The following INSC variants were observed in gnomAD, a reference collection of about 807,000 sequenced individuals.
INSC encodes the protein INSC spindle orientation adaptor protein.
Under a neutral mutation model 58.6 loss-of-function variants are expected in INSC, and 67 were observed. The observed-to-expected ratio is 1.14, with a 90% CI of 0.94 to 1.40. The LOEUF is 1.40. Ranked by LOEUF, INSC falls within the 40% of genes most tolerant of loss-of-function variation. INSC has a pLI of 0.00. For missense variants in INSC, 714 were observed against 692.0 expected, an observed-to-expected ratio of 1.03 and a Z score of -0.36; for synonymous variants, 262 against 276.1, an observed-to-expected ratio of 0.95 and a Z score of 0.51.
intron 9 of INSC, 22 bp from the exon 10 acceptor site, chr11:15,235,580 G>T (rs754022239): frequency 1.1e-5 from 18 of 1,604,448 alleles, no homozygotes; most frequent in Non-Finnish European, 1.4e-5. Flanking sequence ...ATTTTCTGAG[G>T]TTTCTAAATT....
chr11:15,259,887 G>T, the INSC span, among the ~76,000 whole-genome samples: 6 of 152,112 alleles, frequency 3.9e-5, no homozygotes, highest in Admixed American at 3.9e-4. Context: ...ATTTTACTTA[G>T]ATTTTCTTTG....
the INSC span, among the ~76,000 whole-genome samples, chr11:15,255,732 G>GTGTA: frequency 8.3e-6 from 1 of 121,052 alleles, no homozygotes; most frequent in African/African-American, 2.9e-5. Flanking sequence ...ATGTAAGTGT[G>GTGTA]TGTATGTGTG....
chr11:15,156,495 G>T (rs1211830312), intron 2 of INSC, among the ~76,000 whole-genome samples: 1 of 152,156 alleles, frequency 6.6e-6, no homozygotes, highest in Admixed American at 6.5e-5. Flanking sequence ...AAGTCACCCA[G>T]CCTACCAAAT....
intron 2 of INSC, among the ~76,000 whole-genome samples, chr11:15,162,769 T>C (rs908248743): frequency 6.6e-6 from 1 of 152,186 alleles, no homozygotes; most frequent in Non-Finnish European, 1.5e-5. Flanking sequence ...GACAGTATGT[T>C]GGCCATGCAC....
chr11:15,240,597 G>A, intron 12 of INSC, 74 bp downstream of exon 12: 3 of 1,280,672 alleles, frequency 2.3e-6, no homozygotes, highest in East Asian at 2.5e-5. Flanking sequence ...AGAACCGGCT[G>A]TGCTGTGGCT....
the INSC span, among the ~76,000 whole-genome samples, chr11:15,259,390 A>T: frequency 4.6e-5 from 7 of 152,248 alleles, no homozygotes; most frequent in Non-Finnish European, 8.8e-5. Flanking sequence ...ATGCATGTTG[A>T]AAGCTATTCT....
At chr11:15,260,516 G>A in the INSC span, among the ~76,000 whole-genome samples, 1 of 152,198 alleles carries the variant, frequency 6.6e-6, no homozygotes, top group Non-Finnish European at 1.5e-5. Context: ...CTTTATCTAT[G>A]AAATGAGAAT....
At chr11:15,180,693 G>GGT (rs71044038) in intron 5 of INSC, among the ~76,000 whole-genome samples, 3 of 73,924 alleles carry the variant, frequency 4.1e-5, no homozygotes, top group Admixed American at 2.8e-4. Flanking sequence ...GAGGGGGGGG[G>GGT]CGGGGGGGGG....
intron 3 of INSC, 55 bp downstream of exon 3, chr11:15,176,141 G>A (rs192594230): frequency 7.2e-7 from 1 of 1,391,268 alleles, no homozygotes; most frequent in Non-Finnish European, 9.6e-7. Flanking sequence ...GTGCTTTAGA[G>A]AAGAGTGGGT....
chr11:15,189,098 G>T (rs1850073693), intron 5 of INSC, among the ~76,000 whole-genome samples: 1 of 152,214 alleles, frequency 6.6e-6, no homozygotes, highest in African/African-American at 2.4e-5. Flanking sequence ...TGTTGTGCGT[G>T]TGTGAGGAAT....
rs1564917129 is a variant in INSC at position 15,229,971 on chromosome 11, T to TA, written c.1170+4144dup. Among the ~76,000 whole-genome samples the TA allele has an allele frequency of 2.2e-3, 25 of 11,544 alleles. 1 individual carries two copies. The highest frequency in any genetic ancestry group is 8.7e-3 in the African/African-American group (22 of 2,516). The allele number at this position is 11,544 out of a possible 152,430, so 7.6% of individuals were successfully genotyped here. Reference sequence around the variant, plus strand: ...TATTATATATATATTTATATATATATATATATATTATATATATATATATAT... The same window carrying TA: ...TATTATATATATATTTATATATATATAATATATATTATATATATATATATAT... On this transcript the variant is annotated intron_variant, in intron 9 of 12. Transcript: ENST00000379556.
chr11:15,162,497 A>G (rs1564877754), intron 2 of INSC, among the ~76,000 whole-genome samples: 2 of 152,190 alleles, frequency 1.3e-5, no homozygotes. Context: ...CCACTTGACG[A>G]TTGTGGTACC....
chr11:15,198,893 A>G (rs940538414), intron 6 of INSC, among the ~76,000 whole-genome samples: 6 of 152,156 alleles, frequency 3.9e-5, no homozygotes, highest in Non-Finnish European at 5.9e-5. Context: ...GGAACAAGGA[A>G]TCAGAGGTGT....
At chr11:15,198,633 A>T (rs931966761) in intron 6 of INSC, among the ~76,000 whole-genome samples, 2 of 152,118 alleles carry the variant, frequency 1.3e-5, no homozygotes, top group African/African-American at 4.8e-5. Flanking sequence ...AATATGTATG[A>T]TTAAATATAA....
intron 2 of INSC, among the ~76,000 whole-genome samples, chr11:15,165,056 G>A (rs562467667): frequency 6.6e-6 from 1 of 152,274 alleles, no homozygotes; most frequent in Non-Finnish European, 1.5e-5. Context: ...ACATGATACC[G>A]AGCAGGTCTT....
chr11:15,267,123 T>G, the INSC span, among the ~76,000 whole-genome samples: 1 of 152,010 alleles, frequency 6.6e-6, no homozygotes, highest in Admixed American at 6.6e-5. Flanking sequence ...TGTAAAATTC[T>G]TGGTTAACAG....
At chr11:15,195,028 C>T (rs1850318578) in intron 6 of INSC, among the ~76,000 whole-genome samples, 1 of 152,178 alleles carries the variant, frequency 6.6e-6, no homozygotes, top group South Asian at 2.1e-4. Context: ...AGGACCTCTA[C>T]TCTCTTTTGG....
chr11:15,157,117 A>G (rs1293578109), intron 2 of INSC, among the ~76,000 whole-genome samples: 1 of 152,180 alleles, frequency 6.6e-6, no homozygotes, highest in Admixed American at 6.5e-5. Flanking sequence ...AGGAATAGGC[A>G]ACTTCTGGGA....
At chr11:15,163,399 T>C (rs1295147664) in intron 2 of INSC, among the ~76,000 whole-genome samples, 2 of 152,156 alleles carry the variant, frequency 1.3e-5, no homozygotes, top group Non-Finnish European at 2.9e-5. Context: ...CTTTTATGTA[T>C]GTAGTATATT....
Sources: allele counts gnomAD v4.1 joint callset (sites outside exome capture counted in the v4.1 genomes callset), GRCh38; gene constraint gnomAD v4.1.1; transcripts MANE v1.5; gene names NCBI Gene and HGNC (gene_info 2026-07-23, HGNC 2026-07-21).